The following SP100 variants were observed in gnomAD, a reference collection of about 807,000 sequenced individuals.
SP100 encodes the protein nuclear autoantigen Sp-100.
A neutral mutation model predicts 130.0 loss-of-function variants in SP100; 84 were observed. The ratio of observed to expected loss-of-function variants is 0.65; its 90% CI spans 0.54 to 0.77. SP100 has a LOEUF of 0.77. Ranked by LOEUF, SP100 falls within the 30% of genes least tolerant of loss-of-function variation. The pLI is 0.00. For missense variants in SP100, 978 were observed against 1,052.2 expected (o/e 0.93, Z 0.97); for synonymous variants, 331 against 351.7 (o/e 0.94, Z 0.66).
chr2:230,429,042 A>G (rs1469317862), intron 2 of SP100, among the ~76,000 whole-genome samples: 1 of 152,238 alleles, frequency 6.6e-6, no homozygotes, highest in Admixed American at 6.5e-5. Context: ...CTTTACTGGT[A>G]AGATTTTGTA....
chr2:230,476,872 TTTTG>T (rs2065575303), intron 17 of SP100, among the ~76,000 whole-genome samples: 3 of 152,180 alleles, frequency 2.0e-5, no homozygotes, highest in South Asian at 4.1e-4. Flanking sequence ...TTTGTTGTGT[TTTTG>T]TTTATTTTTG....
At chr2:230,481,041 G>T (rs957647658) in intron 17 of SP100, among the ~76,000 whole-genome samples, 3 of 150,930 alleles carry the variant, frequency 2.0e-5, no homozygotes, top group Non-Finnish European at 4.4e-5. Flanking sequence ...TGGTGGTGGT[G>T]GTGGTGGTGG....
At chr2:230,449,296 C>T in intron 6 of SP100, 146 bp downstream of exon 6, 1 of 886,218 alleles carries the variant, frequency 1.1e-6, no homozygotes, top group Non-Finnish European at 1.9e-6. Context: ...ATTTAAATAA[C>T]AAGTCCTTAT....
chr2:230,470,096 C>G lies in SP100; in HGVS notation c.1427C>G (p.Ser476Ter). ...TGCAGCTCATCCCTAAGAAGAGGGT[C>G]AGGTAAAGAAGATTAGGATGCCAAG... The part of the protein sequence containing the change: ...ETCSSSLRRG[S>*]GSQPQEPENK... Residue 476 changes from serine (S) to a stop codon, truncating the protein, a stop_gained and splice_region_variant, in exon 15 of 29, where the codon TCA becomes TGA. Transcript: ENST00000340126. LOFTEE classifies it high-confidence loss of function. The G allele has an allele frequency of 6.2e-7, 1 of 1,605,844 alleles. No homozygotes were observed. Among genetic ancestry groups the G allele is most frequent in the Non-Finnish European group, 8.5e-7 (1 of 1,175,754 alleles).
At chr2:230,454,437 C>T (rs1179316862) in intron 8 of SP100, among the ~76,000 whole-genome samples, 1 of 151,952 alleles carries the variant, frequency 6.6e-6, no homozygotes, top group Non-Finnish European at 1.5e-5. Context: ...ATAAACTTCC[C>T]CTCTTGTAAC....
intron 14 of SP100, 35 bp downstream of exon 14, chr2:230,469,131 G>T: frequency 7.7e-7 from 1 of 1,304,768 alleles, no homozygotes; most frequent in African/African-American, 1.5e-5. Context: ...TGTAACAAAT[G>T]TCTTTATTTG....
chr2:230,473,983 T>A (rs2150001080), intron 16 of SP100, among the ~76,000 whole-genome samples: 1 of 152,294 alleles, frequency 6.6e-6, no homozygotes, highest in Non-Finnish European at 1.5e-5. Context: ...TCCTGCTACC[T>A]GTCAGGAAAG....
chr2:230,534,701 T>C (rs1424837667), intron 24 of SP100, among the ~76,000 whole-genome samples: 2 of 152,236 alleles, frequency 1.3e-5, no homozygotes, highest in Non-Finnish European at 2.9e-5. Flanking sequence ...TTTATATAGA[T>C]GTGTTGTTAA....
chr2:230,520,709 GA>G (rs1480930384), intron 24 of SP100: 1 of 152,202 alleles, frequency 6.6e-6, no homozygotes, highest in East Asian at 1.9e-4. Flanking sequence ...ACAGTTTATT[GA>G]AAGCCAAATG....
At chr2:230,520,944 A>G (rs577088311) in intron 24 of SP100, among the ~76,000 whole-genome samples, 2 of 152,350 alleles carry the variant, frequency 1.3e-5, no homozygotes, top group South Asian at 4.1e-4. Flanking sequence ...GTAAAACTTT[A>G]TGATTCAGAA....
intron 17 of SP100, among the ~76,000 whole-genome samples, chr2:230,482,038 T>C (rs1262168928): frequency 1.3e-5 from 2 of 152,222 alleles, no homozygotes; most frequent in African/African-American, 4.8e-5. Flanking sequence ...ACATGTGCCA[T>C]GCTGGTGCGT....
chr2:230,504,960 A>G (rs1036535622), intron 21 of SP100, among the ~76,000 whole-genome samples: 14 of 152,212 alleles, frequency 9.2e-5, no homozygotes, highest in Non-Finnish European at 1.8e-4. Context: ...ATAACCATAA[A>G]TAAGAGGGAT....
chr2:230,443,083 C>T lies in SP100; in HGVS notation c.254C>T (p.Thr85Ile). The change falls in exon 3 of 29, where the codon ACA (threonine) becomes ATA (isoleucine). Residue 85 changes from threonine (T) to isoleucine (I), a missense_variant. By Grantham distance (89) the Thr-to-Ile change is moderately conservative. Coordinates refer to ENST00000340126, the MANE Select transcript of SP100 (RefSeq NM_001080391.2). Reference protein sequence around the residue: ...LEGLRDRDLITNKMFEDSQDS... With the variant: ...LEGLRDRDLIINKMFEDSQDS... ...GGCCTCCGTGATCGTGATCTCATCA[C>T]AAATAAAATGTTTGAAGTAAGTAAA... 1.9e-6 allele frequency: 3 copies of T among 1,613,858 alleles called. No homozygotes were observed. Among genetic ancestry groups the T allele is most frequent in the Non-Finnish European group, 2.5e-6 (3 of 1,179,872 alleles).
intron 10 of SP100, 72 bp from the exon 11 acceptor site, chr2:230,463,995 A>G: frequency 2.0e-6 from 2 of 1,014,348 alleles, no homozygotes; most frequent in Non-Finnish European, 3.1e-6. Flanking sequence ...TTTTCTTATT[A>G]GGGAATTTCC....
At position 230,444,286 on chromosome 2, in the gene SP100, A is replaced by G. The variant is rs2063590931; in HGVS notation, c.379A>G (p.Ser127Gly). ...FNLPVLEALF[S>G]DVNMQEYPDL... ...CCTGCCAGTTCTGGAAGCACTGTTC[A>G]GCGATGTCAACATGCAGGAATACCC... is the stretch of plus-strand genomic sequence containing the variant. The change falls in exon 4 of 29, where the codon AGC becomes GGC. Residue 127 changes from serine to glycine, a missense_variant. Coordinates refer to ENST00000340126, the MANE Select transcript of SP100 (RefSeq NM_001080391.2). 1 of 1,613,894 alleles carries G rather than the reference A, an allele frequency of 6.2e-7. No individual in the cohort carries two copies. Among genetic ancestry groups the G allele is most frequent in the Non-Finnish European group, 8.5e-7 (1 of 1,179,912 alleles).
chr2:230,541,941 T>A lies in SP100; in HGVS notation c.2453T>A (p.Val818Asp). 1 of 1,614,040 alleles carries A rather than the reference T, an allele frequency of 6.2e-7. No homozygotes were observed. Among genetic ancestry groups the A allele is most frequent in the Non-Finnish European group, 8.5e-7 (1 of 1,179,952 alleles). ...GPQKPMWLNK[V>D]KTSLNEQMYT... ...CAGAAGCCCATGTGGTTAAACAAAG[T>A]CAAGACAAGTTTGAATGAGCAGATG... The change falls in exon 28 of 29, where the codon GTC (valine) becomes GAC (aspartate). Residue 818 changes from valine to aspartate, a missense_variant. Coordinates refer to ENST00000340126, the MANE Select transcript of SP100 (RefSeq NM_001080391.2).
intron 11 of SP100, among the ~76,000 whole-genome samples, chr2:230,465,469 C>A (rs1216349521): frequency 6.6e-6 from 1 of 152,122 alleles, no homozygotes; most frequent in East Asian, 1.9e-4. Flanking sequence ...AGGCTATTAT[C>A]CTTAGCAAAG....
intron 16 of SP100, among the ~76,000 whole-genome samples, chr2:230,473,754 A>G (rs1379985590): frequency 4.6e-5 from 7 of 152,190 alleles, no homozygotes; most frequent in Non-Finnish European, 8.8e-5. Context: ...TTATAAAGCC[A>G]TATTTAACAG....
At chr2:230,524,045 A>G (rs771626829) in intron 24 of SP100, among the ~76,000 whole-genome samples, 5 of 151,348 alleles carry the variant, frequency 3.3e-5, no homozygotes, top group Non-Finnish European at 5.9e-5. Flanking sequence ...TTATAAAACT[A>G]TAAACCAGCT....
Sources: allele counts gnomAD v4.1 joint callset (sites outside exome capture counted in the v4.1 genomes callset), GRCh38; gene constraint gnomAD v4.1.1; transcripts MANE v1.5; gene names NCBI Gene and HGNC (gene_info 2026-07-23, HGNC 2026-07-21).